PAWR: variants seen among roughly 807,000 people sequenced by gnomAD.
The protein encoded by PAWR is PRKC apoptosis WT1 regulator protein.
PAWR carries 23 observed loss-of-function variants against 32.0 expected under a neutral mutation model. The ratio of observed to expected loss-of-function variants is 0.72; its 90% CI spans 0.52 to 1.02. PAWR has a LOEUF of 1.02. PAWR is among the 50% of genes least tolerant of loss of function. The pLI is 0.00. For synonymous variants in PAWR, 226 were observed against 187.1 expected (o/e 1.21, Z -1.70); for missense variants, 457 against 437.7 (o/e 1.04, Z -0.39).
chr12:79,638,790 G>GGTGT (rs34039182), intron 2 of PAWR, among the ~76,000 whole-genome samples: 1,945 of 105,210 alleles, frequency 0.018, 22 homozygotes, highest in Middle Eastern at 0.033. Flanking sequence ...TTATATTTGG[G>GGTGT]GTGTGTGTGT....
At chr12:79,626,163 T>TAAAAAAAAAAAAA (rs565157190) in intron 2 of PAWR, among the ~76,000 whole-genome samples, 4 of 82,108 alleles carry the variant, frequency 4.9e-5, no homozygotes, top group African/African-American at 1.4e-4. Flanking sequence ...GACTCCATCT[T>TAAAAAAAAAAAAA]AAAAAAAAAA....
At chr12:79,592,918 GT>G (rs1180354936) in intron 6 of PAWR, among the ~76,000 whole-genome samples, 1 of 152,022 alleles carries the variant, frequency 6.6e-6, no homozygotes, top group Non-Finnish European at 1.5e-5. Context: ...AGATCTTTCA[GT>G]TTTTCAAAGG....
chr12:79,655,834 T>C (rs1326744567), intron 2 of PAWR, among the ~76,000 whole-genome samples: 4 of 152,154 alleles, frequency 2.6e-5, no homozygotes, highest in African/African-American at 9.7e-5. Context: ...TTAGACAAAG[T>C]CAATACAAAA....
intron 2 of PAWR, among the ~76,000 whole-genome samples, chr12:79,643,038 A>G (rs1876404532): frequency 6.6e-6 from 1 of 152,170 alleles, no homozygotes; most frequent in African/African-American, 2.4e-5. Context: ...ATATTCTTAT[A>G]TACCAATCAA....
intron 2 of PAWR, among the ~76,000 whole-genome samples, chr12:79,658,979 AAAAAAAAAAGAAAAAG>A (rs1592537219): frequency 6.6e-6 from 1 of 151,916 alleles, no homozygotes; most frequent in East Asian, 1.9e-4. Flanking sequence ...CACTAAAAAA[AAAAAAAAAAGAAAAAG>A]AAAAAAAACC....
chr12:79,676,088 G>C (rs188781985), intron 2 of PAWR, among the ~76,000 whole-genome samples: 3 of 150,958 alleles, frequency 2.0e-5, no homozygotes, highest in Admixed American at 2.0e-4. Flanking sequence ...TCTCAAATCA[G>C]AAATCTGAAC....
chr12:79,676,849 TTA>T (rs1878194497), intron 2 of PAWR, among the ~76,000 whole-genome samples: 1 of 152,180 alleles, frequency 6.6e-6, no homozygotes, highest in Admixed American at 6.5e-5. Context: ...TGTGCATTTC[TTA>T]TCAGTCCTTC....
At chr12:79,625,901 G>A (rs992190188) in intron 2 of PAWR, among the ~76,000 whole-genome samples, 1 of 151,588 alleles carries the variant, frequency 6.6e-6, no homozygotes, top group Non-Finnish European at 1.5e-5. Context: ...AGTATGGGCC[G>A]GGCACAGTGG....
At chr12:79,632,312 CATATATATATATATATATATAT>C (rs71091677) in intron 2 of PAWR, 1 of 11,600 alleles carries the variant, frequency 8.6e-5, no homozygotes, top group Non-Finnish European at 1.2e-4. Context: ...TATATACATA[CATATATATATATATATATATAT>C]ATATATATAT....
intron 6 of PAWR, among the ~76,000 whole-genome samples, chr12:79,593,091 A>G (rs1389046244): frequency 6.6e-6 from 1 of 152,064 alleles, no homozygotes; most frequent in African/African-American, 2.4e-5. Context: ...CCTAGGTTGC[A>G]ACCTTGTGTC....
intron 4 of PAWR, chr12:79,604,671 C>T: frequency 7.8e-7 from 1 of 1,288,688 alleles, no homozygotes; most frequent in Admixed American, 2.3e-5. Context: ...CCCTCCAACA[C>T]TCCCACTCCT....
chr12:79,690,362 C>G lies in PAWR; in HGVS notation c.-118G>C. 7.4e-7 allele frequency: 1 copy of G among 1,347,150 alleles called. No homozygotes were observed. Among genetic ancestry groups the G allele is most frequent in the South Asian group, 1.8e-5 (1 of 56,200 alleles). 83.4% of individuals were successfully genotyped at this position (1,347,150 alleles called of 1,614,324 possible). On this transcript the variant is annotated 5_prime_UTR_variant, in exon 2 of 7. Transcript: ENST00000328827. ...CAGGAGACGACCTCCAGGAGAGGGA[C>G]GGCCGCCGCTCCCACAGCAGCCGGC...
chr12:79,663,328 G>C (rs1162188497), intron 2 of PAWR, among the ~76,000 whole-genome samples: 1 of 152,036 alleles, frequency 6.6e-6, no homozygotes, highest in African/African-American at 2.4e-5. Flanking sequence ...TATCTTCTCT[G>C]TCGTTTAGGA....
intron 3 of PAWR, among the ~76,000 whole-genome samples, chr12:79,618,286 GC>G (rs1874840653): frequency 6.6e-6 from 1 of 151,974 alleles, no homozygotes; most frequent in South Asian, 2.1e-4. Flanking sequence ...ACACCACCAT[GC>G]TCAGCTAATT....
chr12:79,596,135 C>G (rs1873739476), intron 5 of PAWR, among the ~76,000 whole-genome samples: 1 of 152,204 alleles, frequency 6.6e-6, no homozygotes, highest in East Asian at 1.9e-4. Flanking sequence ...ACCTGAGACC[C>G]TATGGTTAAT....
chr12:79,677,663 T>G (rs1057108726), intron 2 of PAWR, among the ~76,000 whole-genome samples: 51 of 152,192 alleles, frequency 3.4e-4, no homozygotes, highest in African/African-American at 1.1e-3. Flanking sequence ...AAAACATGGT[T>G]TGGAGATGCC....
At chr12:79,617,572 T>C (rs1458410390) in intron 3 of PAWR, among the ~76,000 whole-genome samples, 4 of 134,064 alleles carry the variant, frequency 3.0e-5, no homozygotes, top group African/African-American at 1.6e-4. Flanking sequence ...AATCAACCTA[T>C]ATGGTGCAGT....
At position 79,664,019 on chromosome 12, in the gene PAWR, G is replaced by A. The variant is rs556808081; in HGVS notation, c.516+25710C>T. Among the ~76,000 whole-genome samples the A allele has an allele frequency of 8.3e-4, 126 of 152,208 alleles. 1 individual carries two copies. Among genetic ancestry groups the A allele is most frequent in the Non-Finnish European group, 1.5e-3 (105 of 67,994 alleles). On this transcript the variant is annotated intron_variant, in intron 2 of 6. Transcript: ENST00000328827. The stretch of plus-strand genomic sequence containing the variant: ...TTGGCAAATATGAAATTGCCAATGT[G>A]CCAATGGGAGAAATAGCTTATAATA...
intron 2 of PAWR, among the ~76,000 whole-genome samples, chr12:79,633,551 TTAAAACTATA>T: frequency 6.6e-6 from 1 of 152,072 alleles, no homozygotes. Flanking sequence ...AAACAGCCCT[TTAAAACTATA>T]AAAACCACTC....
Sources: gnomAD v4.1 joint callset for allele counts (sites outside exome capture counted in the v4.1 genomes callset) on GRCh38, gnomAD v4.1.1 for gene constraint, MANE v1.5 for transcripts, NCBI Gene and HGNC (gene_info 2026-07-23, HGNC 2026-07-21) for gene names.